SHPRH: variants seen among roughly 807,000 people sequenced by gnomAD.
SHPRH encodes the protein SNF2 histone linker PHD RING helicase.
A neutral mutation model predicts 202.5 loss-of-function variants in SHPRH; 106 were observed. That is an observed-to-expected ratio of 0.52 (90% CI 0.45 to 0.62). The LOEUF is 0.62. Among genes scored for constraint, SHPRH ranks in the 20% least tolerant of loss-of-function variants. The pLI is 0.00. For missense variants in SHPRH, 1,710 were observed against 2,020.0 expected, an observed-to-expected ratio of 0.85 and a Z score of 2.94; for synonymous variants, 729 against 686.0, an observed-to-expected ratio of 1.06 and a Z score of -0.98.
chr6:145,906,045 T>C (rs908532361), intron 25 of SHPRH: 3 of 152,062 alleles, frequency 2.0e-5, no homozygotes, highest in African/African-American at 7.2e-5. Context: ...AGCATACTGG[T>C]CTCTCAGCAG....
chr6:145,874,209 A>AAATAATAATAATAATAATAAT (rs58669613), intron 2 of SHPRH, among the ~76,000 whole-genome samples: 42 of 147,904 alleles, frequency 2.8e-4, no homozygotes, highest in East Asian at 2.4e-3. Context: ...AAAAATAATA[A>AAATAATAATAATAATAATAAT]AATAATAATA....
rs1397973901 is a variant in SHPRH at position 145,955,249 on chromosome 6, A to G, written c.74T>C (p.Met25Thr). ...AGGTTCATTCCTTCTGTCCTCATGC[A>G]TATTCCAATGAAGCTGCTGCCTCTT... The part of the protein sequence containing the change: ...EEKRQQLHWN[M>T]HEDRRNEPII... The change falls in exon 2 of 30, where the codon ATG becomes ACG. Residue 25 changes from methionine to threonine, a missense_variant. Coordinates refer to ENST00000275233, the MANE Select transcript of SHPRH (RefSeq NM_001042683.3). 1 of 1,612,862 alleles carries G rather than the reference A, an allele frequency of 6.2e-7. No individual in the cohort carries two copies. The highest frequency in any genetic ancestry group is 1.3e-5 in the African/African-American group (1 of 74,880).
intron 25 of SHPRH, among the ~76,000 whole-genome samples, chr6:145,900,262 T>A (rs1393017515): frequency 6.6e-6 from 1 of 152,136 alleles, no homozygotes; most frequent in African/African-American, 2.4e-5. Context: ...TAAGTGTCCA[T>A]CCATTGATGA....
chr6:145,881,106 A>C (rs1490943569), downstream of SHPRH, among the ~76,000 whole-genome samples: 1 of 152,210 alleles, frequency 6.6e-6, no homozygotes, highest in African/African-American at 2.4e-5. Flanking sequence ...AAACAATGTA[A>C]AAGATTGTGT....
chr6:145,858,265 T>A, the SHPRH span, among the ~76,000 whole-genome samples: 18 of 152,256 alleles, frequency 1.2e-4, no homozygotes, highest in Non-Finnish European at 2.2e-4. Flanking sequence ...TATTCATGTA[T>A]GCTCATAGCC....
chr6:145,879,117 T>C (rs1780436083), intron 2 of SHPRH, among the ~76,000 whole-genome samples: 1 of 152,198 alleles, frequency 6.6e-6, no homozygotes, highest in African/African-American at 2.4e-5. Flanking sequence ...TGGTGGACAG[T>C]ATTTGTGCAA....
rs776507128 is a variant in SHPRH at position 145,950,484 on chromosome 6, T to C, written c.764-2A>G. On this transcript the variant is annotated splice_acceptor_variant, in intron 3 of 29. Transcript: ENST00000275233. LOFTEE classifies it high-confidence loss of function. ...CATCTTCATCCTCTTCCAACACATC[T>C]GTACATCACACAGCAAATGTACTCA... 4 of 1,612,118 alleles carry C rather than the reference T, an allele frequency of 2.5e-6. No homozygotes were observed. Among genetic ancestry groups the C allele is most frequent in the Non-Finnish European group, 3.4e-6 (4 of 1,178,774 alleles).
chr6:145,907,545 C>A (rs768211263), intron 25 of SHPRH: 2 of 152,120 alleles, frequency 1.3e-5, no homozygotes, highest in Non-Finnish European at 2.9e-5. Flanking sequence ...AACATCTGGT[C>A]CCCTAGTTAG....
rs1025928372 is a variant in SHPRH, at chr6:145,884,926, G to A, written c.*1765C>T. The A allele has an allele frequency of 1.3e-5, 2 of 151,978 alleles. No homozygotes were observed. Among genetic ancestry groups the A allele is most frequent in the African/African-American group, 4.8e-5 (2 of 41,372 alleles). The allele number at this position is 151,978 out of a possible 1,614,324, so 9.4% of individuals were successfully genotyped here. Reference sequence around the variant, plus strand: ...TGTAATTTGATTTTACAAAATTGAAGCATATCAAATTGTTTTCTCTAAAAC... The same window carrying A: ...TGTAATTTGATTTTACAAAATTGAAACATATCAAATTGTTTTCTCTAAAAC... On this transcript the variant is annotated 3_prime_UTR_variant, in exon 30 of 30. Transcript: ENST00000275233.
chr6:145,876,150 A>T (rs1780290549), intron 2 of SHPRH, among the ~76,000 whole-genome samples: 1 of 152,202 alleles, frequency 6.6e-6, no homozygotes, highest in Admixed American at 6.5e-5. Flanking sequence ...CATGCCCATT[A>T]GCAGTCACTC....
At chr6:145,901,154 T>TG (rs1782472122) in intron 25 of SHPRH, among the ~76,000 whole-genome samples, 2 of 152,054 alleles carry the variant, frequency 1.3e-5, no homozygotes, top group African/African-American at 4.8e-5. Flanking sequence ...TATACAAAGA[T>TG]GAAAAAATAC....
In SHPRH at chr6:145,943,816, A is replaced by G; in HGVS notation, c.1579-14T>C. 6 of 1,540,570 alleles carry G rather than the reference A, an allele frequency of 3.9e-6. No individual in the cohort carries two copies. The highest frequency in any genetic ancestry group is 5.2e-6 in the Non-Finnish European group (6 of 1,150,916). ...ACTCCCTACTGCCTATGAAAAAAATATTTAATTAATTGATTGCAACTAGTT... is the reference window on the plus strand; with the variant it reads ...ACTCCCTACTGCCTATGAAAAAAATGTTTAATTAATTGATTGCAACTAGTT... On this transcript the variant is annotated splice_polypyrimidine_tract_variant and intron_variant, in intron 8 of 29. Coordinates refer to ENST00000275233, the MANE Select transcript of SHPRH (RefSeq NM_001042683.3).
Position 145,921,170 on chromosome 6 carries a change from A to G in SHPRH, c.4005T>C (p.Tyr1335=). Residue 1335 remains tyrosine, a synonymous_variant, in exon 21 of 30, where the codon TAT becomes TAC. Coordinates refer to ENST00000275233, the MANE Select transcript of SHPRH (RefSeq NM_001042683.3). ...AGGAAGTTTTAAAATACTATACCTT[A>G]TATTCCTTCTTCCATGCTTCAAAGA... ...MDLFEAWKKE[Y]KLLHEYWMAL... 6.2e-7 allele frequency: 1 copy of G among 1,611,318 alleles called. No homozygotes were observed. The highest frequency in any genetic ancestry group is 8.5e-7 in the Non-Finnish European group (1 of 1,178,364).
At chr6:145,947,767 T>C in intron 5 of SHPRH, 124 bp from the exon 6 acceptor site, 1 of 1,230,714 alleles carries the variant, frequency 8.1e-7, no homozygotes, top group Non-Finnish European at 1.1e-6. Context: ...GAAACTATAT[T>C]TTAGGGCAAA....
chr6:145,944,831 A>G (rs1182706540), intron 8 of SHPRH, among the ~76,000 whole-genome samples: 19 of 152,208 alleles, frequency 1.2e-4, no homozygotes, highest in Non-Finnish European at 2.9e-5. Context: ...ATAATAATAT[A>G]AAGAAAATGA....
At chr6:145,883,334 G>GAAGA (rs1562278626), downstream of SHPRH, 2 of 151,946 alleles carry the variant, frequency 1.3e-5, no homozygotes, top group Non-Finnish European at 2.9e-5. Flanking sequence ...TTTACTCTTC[G>GAAGA]AAGATGAGCT....
intron 25 of SHPRH, chr6:145,906,035 A>T (rs770726716): frequency 6.6e-6 from 1 of 152,052 alleles, no homozygotes; most frequent in Non-Finnish European, 1.5e-5. Context: ...CTATCTTCTA[A>T]GCATACTGGT....
At chr6:145,952,549 G>C (rs1371499661) in intron 2 of SHPRH, 71 bp from the exon 3 acceptor site, 17 of 1,407,170 alleles carry the variant, frequency 1.2e-5, no homozygotes, top group Non-Finnish European at 1.5e-5. Context: ...ACATAAGCAA[G>C]AAAAAATTAG....
chr6:145,954,745 T>C lies in SHPRH; in HGVS notation c.578A>G (p.Gln193Arg). Residue 193 changes from glutamine (Q) to arginine (R), a missense_variant, in exon 2 of 30, where the codon CAA becomes CGA. By Grantham distance (43) the Gln-to-Arg change is conservative. This residue lies in a region of SHPRH where 459 missense variants were observed against 426.5 expected (regional missense o/e 1.08). Coordinates refer to ENST00000275233, the MANE Select transcript of SHPRH (RefSeq NM_001042683.3). ...GEMLEDLGWL[Q>R]KKRRIKLYQK... ...ATAGAGTTTTATTCTTCTCTTCTTT[T>C]GTAGCCACCCCAAATCTTCTAACAT... is the stretch of plus-strand genomic sequence containing the variant. The C allele has an allele frequency of 1.2e-6, 2 of 1,609,244 alleles. No homozygotes were observed. The highest frequency in any genetic ancestry group is 4.5e-5 in the East Asian group (2 of 44,828).
Sources: allele counts gnomAD v4.1 joint callset (sites outside exome capture counted in the v4.1 genomes callset), GRCh38; gene constraint gnomAD v4.1.1; regional missense constraint gnomAD v4.1.1; transcripts MANE v1.5; gene names NCBI Gene and HGNC (gene_info 2026-07-23, HGNC 2026-07-21).